The following WWOX variants were observed in gnomAD, a reference collection of about 807,000 sequenced individuals.
WWOX encodes WW domain containing oxidoreductase.
In WWOX, 69 loss-of-function variants were observed where a neutral mutation model predicts 46.2. That is an observed-to-expected ratio of 1.49 (90% CI 1.23 to 1.82). The LOEUF (loss-of-function observed/expected upper bound fraction) is 1.82. WWOX is among the 40% of genes most tolerant of loss of function. WWOX has a pLI of 0.00. For missense variants in WWOX, 919 were observed against 542.6 expected (o/e 1.69, Z -6.89); for synonymous variants, 359 against 202.6 (o/e 1.77, Z -6.56).
intron 8 of WWOX, among the ~76,000 whole-genome samples, chr16:78,442,708 AG>A (rs1291983441): frequency 6.6e-6 from 1 of 152,160 alleles, no homozygotes; most frequent in Non-Finnish European, 1.5e-5. Context: ...GGCCAGGCAC[AG>A]TGGCTCATAC....
At chr16:78,353,177 C>G (rs1385919867) in intron 5 of WWOX, among the ~76,000 whole-genome samples, 1 of 152,152 alleles carries the variant, frequency 6.6e-6, no homozygotes, top group Non-Finnish European at 1.5e-5. Context: ...CATCATAACA[C>G]CTATCTTAGC....
rs1261457942 is a variant in WWOX at position 78,466,068 on chromosome 16, G to A, written c.1056+33316G>A. On this transcript the variant is annotated intron_variant, in intron 8 of 8. Coordinates refer to ENST00000566780, the MANE Select transcript of WWOX (RefSeq NM_016373.4). ...TTTTTTTGAGACGGAGTCTTGCTCT[G>A]TTGCCCAGGCTGGAGTGCAGTGGCA... 2.6e-5 allele frequency among the ~76,000 whole-genome samples: 4 copies of A among 151,322 alleles called. No individual in the cohort carries two copies. In the East Asian group the frequency reaches 5.8e-4, roughly 22 times the overall value.
intron 8 of WWOX, among the ~76,000 whole-genome samples, chr16:78,507,993 C>CGT (rs370434842): frequency 0.021 from 3,033 of 145,516 alleles, 99 homozygotes; most frequent in African/African-American, 0.065. Flanking sequence ...TTTTTGGTTG[C>CGT]GTGCGTGTGT....
At chr16:79,035,255 A>G (rs947849698) in intron 8 of WWOX, among the ~76,000 whole-genome samples, 1 of 152,152 alleles carries the variant, frequency 6.6e-6, no homozygotes, top group Non-Finnish European at 1.5e-5. Context: ...TTCCAGAATC[A>G]TTGGCCCTGG....
intron 8 of WWOX, among the ~76,000 whole-genome samples, chr16:78,726,959 G>A (rs917385663): frequency 1.3e-5 from 2 of 152,200 alleles, no homozygotes; most frequent in Non-Finnish European, 2.9e-5. Flanking sequence ...GAGCTTTTGT[G>A]TTTTTGGTCA....
intron 8 of WWOX, among the ~76,000 whole-genome samples, chr16:78,922,542 C>A (rs964327173): frequency 4.6e-5 from 7 of 152,220 alleles, no homozygotes; most frequent in South Asian, 2.1e-4. Flanking sequence ...CAACACCCAG[C>A]TAATTTTTGT....
chr16:78,188,890 A>G (rs1216884542), intron 5 of WWOX, among the ~76,000 whole-genome samples: 4 of 152,200 alleles, frequency 2.6e-5, no homozygotes, highest in African/African-American at 4.8e-5. Context: ...TGACTAACAG[A>G]AAAGATTGGT....
intron 5 of WWOX, among the ~76,000 whole-genome samples, chr16:78,242,658 C>G (rs2037692860): frequency 6.6e-6 from 1 of 152,166 alleles, no homozygotes; most frequent in Non-Finnish European, 1.5e-5. Flanking sequence ...CTTCTCTCCT[C>G]TCTGGAACCC....
At chr16:79,190,440 G>A (rs428899) in intron 8 of WWOX, among the ~76,000 whole-genome samples, 106,572 of 151,914 alleles carry the variant, frequency 0.7, 38,547 homozygotes, top group Non-Finnish European at 0.8. Flanking sequence ...TGGAATATTC[G>A]TAGGTCTCTG....
intron 8 of WWOX, chr16:78,895,729 G>C (rs2044686896): frequency 6.6e-6 from 1 of 152,186 alleles, no homozygotes; most frequent in African/African-American, 2.4e-5. Context: ...AATTGATTGA[G>C]GAACGCAAGA....
At chr16:78,678,847 C>T (rs1452945810) in intron 8 of WWOX, among the ~76,000 whole-genome samples, 1 of 152,048 alleles carries the variant, frequency 6.6e-6, no homozygotes, top group Non-Finnish European at 1.5e-5. Flanking sequence ...ATAAAGAGTC[C>T]CTGTGCTTCC....
In WWOX at chr16:78,477,277, A is replaced by G. The variant is rs997049519; in HGVS notation, c.1056+44525A>G. 3.3e-5 allele frequency among the ~76,000 whole-genome samples: 5 copies of G among 152,318 alleles called. No homozygotes were observed. The South Asian group carries it at 1.0e-3, about 32-fold the overall frequency. On this transcript the variant is annotated intron_variant, in intron 8 of 8. Coordinates refer to ENST00000566780, the MANE Select transcript of WWOX (RefSeq NM_016373.4). ...TCTAGATTACCTATTGATTTTTAATATGAAAAGCTCATTATGTAAGCAGTA... is the reference window on the plus strand; with the variant it reads ...TCTAGATTACCTATTGATTTTTAATGTGAAAAGCTCATTATGTAAGCAGTA...
At chr16:78,635,100 C>G (rs1008972464) in intron 8 of WWOX, among the ~76,000 whole-genome samples, 1 of 152,122 alleles carries the variant, frequency 6.6e-6, no homozygotes, top group Non-Finnish European at 1.5e-5. Context: ...TGTGATTACG[C>G]CAGGAAGTCA....
At chr16:78,896,410 C>T (rs140293036) in intron 8 of WWOX, 2 of 152,122 alleles carry the variant, frequency 1.3e-5, no homozygotes, top group African/African-American at 4.8e-5. Flanking sequence ...GGCCCTGAAT[C>T]GTGTATTCTA....
In WWOX at chr16:79,086,412, C is replaced by A. The variant is rs866987404; in HGVS notation, c.1057-125196C>A. Among the ~76,000 whole-genome samples the A allele has an allele frequency of 2.6e-5, 4 of 152,196 alleles. 1 individual carries two copies. The highest frequency in any genetic ancestry group is 5.9e-5 in the Non-Finnish European group (4 of 68,040). On this transcript the variant is annotated intron_variant, in intron 8 of 8. Coordinates refer to ENST00000566780, the MANE Select transcript of WWOX (RefSeq NM_016373.4). ...GTGTCTTCTGGTATGTTTCTTGATACATTTTGAGGGTATTGAGCTCTAATT... is the reference window on the plus strand; with the variant it reads ...GTGTCTTCTGGTATGTTTCTTGATAAATTTTGAGGGTATTGAGCTCTAATT...
rs898261742 is a variant in WWOX, at chr16:78,188,274, G to C, written c.516+23985G>C. Among the ~76,000 whole-genome samples, 3 of 152,208 alleles carry C rather than the reference G, an allele frequency of 2.0e-5. No homozygotes were observed. In the East Asian group the frequency reaches 5.8e-4, roughly 29 times the overall value. On this transcript the variant is annotated intron_variant, in intron 5 of 8. Transcript: ENST00000566780. ...GGAGGCCGAGGCGGGCAGATCACGA[G>C]GTCAGGAGATCGAGACCATCCTGGC... is the stretch of plus-strand genomic sequence containing the variant.
intron 8 of WWOX, among the ~76,000 whole-genome samples, chr16:78,986,329 C>G (rs150010352): frequency 6.6e-6 from 1 of 152,192 alleles, no homozygotes; most frequent in Admixed American, 6.5e-5. Context: ...CTAGAGGATA[C>G]CAGTCTGACT....
chr16:78,617,113 G>A (rs1479469612), intron 8 of WWOX, among the ~76,000 whole-genome samples: 1 of 152,052 alleles, frequency 6.6e-6, no homozygotes, highest in African/African-American at 2.4e-5. Flanking sequence ...GGTCAGTTTA[G>A]TCTTTAAAAG....
chr16:79,057,357 G>A (rs904564755), intron 8 of WWOX, among the ~76,000 whole-genome samples: 4 of 152,118 alleles, frequency 2.6e-5, no homozygotes, highest in Admixed American at 1.3e-4. Context: ...CCAAATTATC[G>A]AAGAGAAAAG....
Sources: gnomAD v4.1 joint callset for allele counts (sites outside exome capture counted in the v4.1 genomes callset) on GRCh38, gnomAD v4.1.1 for gene constraint, MANE v1.5 for transcripts, NCBI Gene and HGNC (gene_info 2026-07-23, HGNC 2026-07-21) for gene names.